Variants in CMTM7 observed in about 807,000 individuals in gnomAD.
CMTM7 encodes CKLF-like MARVEL transmembrane domain-containing protein 7.
Under a neutral mutation model 19.3 loss-of-function variants are expected in CMTM7, and 7 were observed. That is an observed-to-expected ratio of 0.36 (90% CI 0.21 to 0.68). The LOEUF is 0.68. Ranked by LOEUF, CMTM7 falls within the 30% of genes least tolerant of loss-of-function variation. The pLI, the probability that CMTM7 is intolerant of heterozygous loss-of-function variation, is 0.60. For missense variants in CMTM7, 193 were observed against 232.6 expected, an observed-to-expected ratio of 0.83 and a Z score of 1.11; for synonymous variants, 87 against 99.3, an observed-to-expected ratio of 0.88 and a Z score of 0.74.
chr3:32,411,078 TGCTCTGTCCCA>T (rs551934425), intron 1 of CMTM7, among the ~76,000 whole-genome samples: 16 of 152,382 alleles, frequency 1.0e-4, no homozygotes, highest in Admixed American at 3.9e-4. Flanking sequence ...ATTGAATGGC[TGCTCTGTCCCA>T]GCTCTGTGTC....
At chr3:32,428,860 G>T (rs868673882) in intron 1 of CMTM7, among the ~76,000 whole-genome samples, 2 of 152,178 alleles carry the variant, frequency 1.3e-5, no homozygotes, top group Non-Finnish European at 2.9e-5. Context: ...GTGGAAAGCC[G>T]CAGATAACAG....
chr3:32,408,654 C>T (rs1480404000), intron 1 of CMTM7, among the ~76,000 whole-genome samples: 1 of 152,146 alleles, frequency 6.6e-6, no homozygotes, highest in African/African-American at 2.4e-5. Flanking sequence ...TTCTAGCCTT[C>T]CACAGATGAT....
intron 3 of CMTM7, among the ~76,000 whole-genome samples, chr3:32,450,504 G>C (rs1054241097): frequency 2.0e-5 from 3 of 152,158 alleles, no homozygotes; most frequent in East Asian, 1.9e-4. Flanking sequence ...GAGTGGGTTG[G>C]CTCCTGGAAT....
intron 1 of CMTM7, among the ~76,000 whole-genome samples, chr3:32,394,854 C>T (rs1292065993): frequency 1.3e-5 from 2 of 151,956 alleles, no homozygotes; most frequent in Non-Finnish European, 2.9e-5. Flanking sequence ...TGCCACCACA[C>T]CCAGCTAATT....
At chr3:32,450,763 C>T (rs191857500) in intron 3 of CMTM7, among the ~76,000 whole-genome samples, 48 of 152,266 alleles carry the variant, frequency 3.2e-4, no homozygotes, top group Non-Finnish European at 5.6e-4. Flanking sequence ...ACTGTGTTTC[C>T]GGGCCCACTT....
chr3:32,424,807 A>T (rs1039473475), intron 1 of CMTM7, among the ~76,000 whole-genome samples: 8 of 152,086 alleles, frequency 5.3e-5, no homozygotes, highest in African/African-American at 9.7e-5. Flanking sequence ...CACTGCACCC[A>T]GCTAACTTTT....
intron 1 of CMTM7, among the ~76,000 whole-genome samples, chr3:32,406,930 A>G (rs1461416468): frequency 1.3e-5 from 2 of 152,182 alleles, no homozygotes; most frequent in Non-Finnish European, 2.9e-5. Flanking sequence ...ACTCCCAGGG[A>G]TCTCTGAATC....
At chr3:32,441,175 C>G (rs1443200705) in intron 1 of CMTM7, among the ~76,000 whole-genome samples, 1 of 152,190 alleles carries the variant, frequency 6.6e-6, no homozygotes, top group East Asian at 1.9e-4. Context: ...GGAACATGGT[C>G]CTTAGAGTCA....
intron 4 of CMTM7, 109 bp from the exon 5 acceptor site, chr3:32,454,132 A>G (rs1696874846): frequency 2.6e-6 from 3 of 1,170,404 alleles, no homozygotes; most frequent in Non-Finnish European, 3.7e-6. Flanking sequence ...CACTGGGTGG[A>G]GGACACAGGT....
chr3:32,454,467 A>G lies in CMTM7; in HGVS notation c.*213A>G, dbSNP rs2125646336. 1 of 707,056 alleles carries G rather than the reference A, an allele frequency of 1.4e-6. No individual in the cohort carries two copies. The highest frequency in any genetic ancestry group is 2.3e-4 in the Middle Eastern group (1 of 4,368). The allele number at this position is 707,056 out of a possible 1,614,324, so 43.8% of individuals were successfully genotyped here. On this transcript the variant is annotated 3_prime_UTR_variant, in exon 5 of 5. Coordinates refer to ENST00000334983, the MANE Select transcript of CMTM7 (RefSeq NM_138410.4). ...CTTCCTCCAGCCTTCCGGGGAGAAC[A>G]TCCCTCCCATTCTGGGAAAGGAAAG...
chr3:32,427,438 G>A (rs150539765), intron 1 of CMTM7, among the ~76,000 whole-genome samples: 7 of 152,282 alleles, frequency 4.6e-5, no homozygotes, highest in Non-Finnish European at 7.3e-5. Flanking sequence ...AAGGGTGGGC[G>A]GGAGAGGTGC....
intron 3 of CMTM7, among the ~76,000 whole-genome samples, chr3:32,450,320 TC>T (rs1429963224): frequency 6.6e-6 from 1 of 152,130 alleles, no homozygotes; most frequent in Non-Finnish European, 1.5e-5. Flanking sequence ...GCACCTGTAG[TC>T]CCAGGCACTC....
chr3:32,420,262 G>A (rs559897987), intron 1 of CMTM7, among the ~76,000 whole-genome samples: 7 of 152,328 alleles, frequency 4.6e-5, no homozygotes, highest in Admixed American at 2.6e-4. Flanking sequence ...CAGGGCAGAA[G>A]CAGAGCCTGC....
At chr3:32,430,312 G>A (rs1025958090) in intron 1 of CMTM7, among the ~76,000 whole-genome samples, 6 of 152,124 alleles carry the variant, frequency 3.9e-5, no homozygotes, top group African/African-American at 1.4e-4. Flanking sequence ...TGGCCAGCGT[G>A]TCTGCTTGTC....
rs1450522711 is a variant in CMTM7, at chr3:32,441,867, G to A, written c.187G>A (p.Val63Met). The A allele has an allele frequency of 6.2e-7, 1 of 1,614,202 alleles. No homozygotes were observed. Among genetic ancestry groups the A allele is most frequent in the Non-Finnish European group, 8.5e-7 (1 of 1,180,034 alleles). Residue 63 changes from valine (V) to methionine (M), a missense_variant, in exon 2 of 5, where the codon GTG becomes ATG. Val to Met is a conservative substitution (Grantham distance 21). Transcript: ENST00000334983. ...MVTLLIAFIC[V>M]RSSLWTNYSA... The stretch of plus-strand genomic sequence containing the variant: ...CACCCTGCTGATTGCCTTCATCTGT[G>A]TGCGGAGCTCCCTGTGGACCAACTA...
intron 1 of CMTM7, among the ~76,000 whole-genome samples, chr3:32,394,138 T>TTAG (rs1471263442): frequency 6.6e-6 from 1 of 152,238 alleles, no homozygotes; most frequent in Non-Finnish European, 1.5e-5. Context: ...GATGGCTGTA[T>TTAG]TAGTCCTAGT....
At chr3:32,438,845 C>G (rs899800950) in intron 1 of CMTM7, among the ~76,000 whole-genome samples, 1 of 152,206 alleles carries the variant, frequency 6.6e-6, no homozygotes, top group Non-Finnish European at 1.5e-5. Flanking sequence ...TTCCACATCC[C>G]TGTGTCACCA....
chr3:32,437,405 T>C (rs1696613086), intron 1 of CMTM7, among the ~76,000 whole-genome samples: 2 of 152,244 alleles, frequency 1.3e-5, no homozygotes, highest in South Asian at 4.1e-4. Flanking sequence ...GAGACCAGCC[T>C]GACCAATATG....
intron 1 of CMTM7, among the ~76,000 whole-genome samples, chr3:32,405,112 C>G (rs961331600): frequency 1.3e-5 from 2 of 152,206 alleles, no homozygotes; most frequent in Non-Finnish European, 2.9e-5. Context: ...AAACTGAAAG[C>G]CACTAACAGC....
Sources: gnomAD v4.1 joint callset for allele counts (sites outside exome capture counted in the v4.1 genomes callset) on GRCh38, gnomAD v4.1.1 for gene constraint, MANE v1.5 for transcripts, NCBI Gene and HGNC (gene_info 2026-07-23, HGNC 2026-07-21) for gene names.